The following SRFBP1 variants were observed in gnomAD, a reference collection of about 807,000 sequenced individuals.
The protein encoded by SRFBP1 is serum response factor binding protein 1.
Under a neutral mutation model 45.5 loss-of-function variants are expected in SRFBP1, and 47 were observed. That is an observed-to-expected ratio of 1.03 (90% confidence interval 0.82 to 1.32). The LOEUF (loss-of-function observed/expected upper bound fraction) is 1.32. Among genes scored for constraint, SRFBP1 ranks in the 40% most tolerant of loss-of-function variants. The pLI, the probability that SRFBP1 is intolerant of heterozygous loss-of-function variation, is 0.00. For synonymous variants in SRFBP1, 203 were observed against 166.3 expected, an observed-to-expected ratio of 1.22 and a Z score of -1.70; for missense variants, 621 against 484.6, an observed-to-expected ratio of 1.28 and a Z score of -2.64.
chr5:122,066,844 T>C, intron 2 of SRFBP1: 1 of 770,132 alleles, frequency 1.3e-6, no homozygotes, highest in Non-Finnish European at 2.3e-6. Flanking sequence ...TTAAAAACTT[T>C]ATGCAACAGT....
At chr5:122,044,982 A>G (rs1753832992) in intron 2 of SRFBP1, among the ~76,000 whole-genome samples, 1 of 151,976 alleles carries the variant, frequency 6.6e-6, no homozygotes, top group Non-Finnish European at 1.5e-5. Flanking sequence ...CAGGGTTTTT[A>G]TAGTTTTAGT....
chr5:121,986,838 G>T (rs113063132), intron 3 of SRFBP1, among the ~76,000 whole-genome samples: 1 of 152,072 alleles, frequency 6.6e-6, no homozygotes, highest in East Asian at 1.9e-4. Flanking sequence ...AAGGGAGTGA[G>T]AAACTTTTTA....
chr5:122,078,798 T>C (rs1170609971), downstream of SRFBP1, among the ~76,000 whole-genome samples: 3 of 152,246 alleles, frequency 2.0e-5, no homozygotes, highest in Non-Finnish European at 4.4e-5. Flanking sequence ...ATTTTGTTTT[T>C]CTGTGTGTAG....
chr5:122,077,774 T>A, downstream of SRFBP1: 1 of 1,549,024 alleles, frequency 6.5e-7, no homozygotes, highest in African/African-American at 1.4e-5. This position sits in a 1 kb window ranked among gnomAD's most constrained non-coding sequence, Gnocchi z 4.9. Flanking sequence ...GGCGCCCGGG[T>A]CCCGGCGGCG....
chr5:121,972,864 G>A (rs540530967), intron 1 of SRFBP1, among the ~76,000 whole-genome samples: 1 of 151,976 alleles, frequency 6.6e-6, no homozygotes, highest in South Asian at 2.1e-4. Flanking sequence ...AATAGATTAG[G>A]TCTTTAGAAA....
chr5:122,076,767 C>T (rs1225818066), downstream of SRFBP1: 1 of 742,202 alleles, frequency 1.3e-6, no homozygotes, highest in Admixed American at 2.4e-5. Context: ...GGTCACGTCC[C>T]ACTTCCCAGC....
chr5:121,994,447 C>T (rs1187693414), intron 3 of SRFBP1, 152 bp from the exon 4 acceptor site: 7 of 593,044 alleles, frequency 1.2e-5, no homozygotes, highest in Non-Finnish European at 1.8e-5. Context: ...CTGATGTTTC[C>T]TTTCAACTCT....
chr5:122,019,176 C>A, intron 4 of SRFBP1, 84 bp from the exon 5 acceptor site: 1 of 1,153,076 alleles, frequency 8.7e-7, no homozygotes, highest in Non-Finnish European at 1.3e-6. Flanking sequence ...ATTTTAAAGA[C>A]TATGATAGAT....
chr5:122,001,395 ATTTTTT>A (rs546908481), intron 4 of SRFBP1, among the ~76,000 whole-genome samples: 25 of 145,824 alleles, frequency 1.7e-4, no homozygotes, highest in Non-Finnish European at 2.1e-4. Flanking sequence ...TTTATTTTTT[ATTTTTT>A]TTATTTTTAT....
At chr5:122,013,638 A>C (rs1249868142) in intron 4 of SRFBP1, among the ~76,000 whole-genome samples, 1 of 152,208 alleles carries the variant, frequency 6.6e-6, no homozygotes, top group Non-Finnish European at 1.5e-5. Flanking sequence ...AGATGTTTAT[A>C]GAAAGGGACG....
At position 122,027,287 on chromosome 5, in the gene SRFBP1, A is replaced by G. The variant is rs1360069007; in HGVS notation, c.*161A>G. 4.7e-5 allele frequency: 26 copies of G among 552,700 alleles called. No homozygotes were observed. Among genetic ancestry groups the G allele is most frequent in the Non-Finnish European group, 6.2e-5 (20 of 320,946 alleles). 34.2% of individuals were successfully genotyped at this position (552,700 alleles called of 1,614,324 possible). A position where few individuals can be genotyped will look rare whatever the true frequency, so the allele number is the denominator to read the frequency against. ...GTGATCCTCCCACCTCTGCCTCCCA[A>G]AGGGCTGGGACTGCAGGTGCATGCA... On this transcript the variant is annotated 3_prime_UTR_variant, in exon 8 of 8. Coordinates refer to ENST00000339397, the MANE Select transcript of SRFBP1 (RefSeq NM_152546.3).
In SRFBP1 at chr5:122,020,553, C is replaced by G; in HGVS notation, c.818C>G (p.Ser273Cys). Reference protein sequence around the residue: ...DSTEERFYKQSSMSEDSDSGD... With the variant: ...DSTEERFYKQCSMSEDSDSGD... ...ACAGAAGAAAGGTTTTACAAGCAGT[C>G]TTCCATGTCTGAAGATAGTGATAGC... is the stretch of plus-strand genomic sequence containing the variant. The change falls in exon 6 of 8, where the codon TCT becomes TGT. Residue 273 changes from serine to cysteine, a missense_variant. Coordinates refer to ENST00000339397, the MANE Select transcript of SRFBP1 (RefSeq NM_152546.3). 1 of 1,614,142 alleles carries G rather than the reference C, an allele frequency of 6.2e-7. No homozygotes were observed. Among genetic ancestry groups the G allele is most frequent in the South Asian group, 1.1e-5 (1 of 91,080 alleles).
In SRFBP1 at chr5:122,046,654, A is replaced by G. The variant is rs555952213; in HGVS notation, n.311+24247A>G. 2.0e-3 allele frequency among the ~76,000 whole-genome samples: 301 copies of G among 152,228 alleles called. 2 individuals carry two copies. Among genetic ancestry groups the G allele is most frequent in the African/African-American group, 6.0e-3 (248 of 41,536 alleles). On this transcript the variant is annotated intron_variant and non_coding_transcript_variant, in intron 2 of 2. Transcript: ENST00000504881. ...TCCACAATGGTTGAACTAGTTTACA[A>G]TCCCACCAACAGTGTAAAAGTGTTC...
intron 3 of SRFBP1, among the ~76,000 whole-genome samples, chr5:121,991,676 G>A (rs540436283): frequency 6.6e-6 from 1 of 152,074 alleles, no homozygotes; most frequent in African/African-American, 2.4e-5. Context: ...TTTTTGTGTT[G>A]TCTAAAAAAA....
intron 2 of SRFBP1, among the ~76,000 whole-genome samples, chr5:122,048,867 T>G (rs1282575776): frequency 6.6e-6 from 1 of 152,210 alleles, no homozygotes; most frequent in East Asian, 1.9e-4. Flanking sequence ...TGGTAGTTTG[T>G]CTTTCTGTGG....
chr5:122,035,136 C>T (rs1431153111), intron 2 of SRFBP1, among the ~76,000 whole-genome samples: 1 of 152,048 alleles, frequency 6.6e-6, no homozygotes, highest in Non-Finnish European at 1.5e-5. Context: ...GATGTCCTTC[C>T]TTCCAGTGGC....
chr5:122,066,865 C>T (rs1270999318), intron 2 of SRFBP1: 191 of 672,308 alleles, frequency 2.8e-4, no homozygotes, highest in Non-Finnish European at 2.7e-5. Context: ...TTCCCTCCAC[C>T]TAAGCAGCAA....
intron 4 of SRFBP1, among the ~76,000 whole-genome samples, chr5:121,998,011 A>G (rs1004957131): frequency 5.9e-5 from 9 of 151,830 alleles, no homozygotes; most frequent in Non-Finnish European, 1.0e-4. Flanking sequence ...AAAAGTCAGG[A>G]AACAACAGGT....
rs747939666 is a variant in SRFBP1 at position 122,020,092 on chromosome 5, T to C, written c.357T>C (p.Ala119=). 42 of 1,545,524 alleles carry C rather than the reference T, an allele frequency of 2.7e-5. No homozygotes were observed. The highest frequency in any genetic ancestry group is 3.6e-5 in the Non-Finnish European group (41 of 1,150,218). The change falls in exon 6 of 8, where the codon GCT becomes GCC. Residue 119 remains alanine, a synonymous_variant. Transcript: ENST00000339397. ...LKKKIDVLKA[A]VQAFKEARQN... is the part of the protein sequence containing the mutation. ...GATGCACTGTTTCTCTTGCAGCTGCTGTACAAGCCTTTAAAGAAGCAAGAC... is the reference window on the plus strand; with the variant it reads ...GATGCACTGTTTCTCTTGCAGCTGCCGTACAAGCCTTTAAAGAAGCAAGAC...
Sources: gnomAD v4.1 joint callset for allele counts (sites outside exome capture counted in the v4.1 genomes callset) on GRCh38, gnomAD v4.1.1 for gene constraint, Gnocchi (gnomAD v3.1) non-coding constraint, MANE v1.5 for transcripts, NCBI Gene and HGNC (gene_info 2026-07-23, HGNC 2026-07-21) for gene names.